Variants in GRID2 observed in about 807,000 individuals in gnomAD.
GRID2 encodes glutamate receptor ionotropic, delta-2.
GRID2 carries 33 observed loss-of-function variants against 114.8 expected under a neutral mutation model. The ratio of observed to expected loss-of-function variants is 0.29; its 90% confidence interval spans 0.22 to 0.38. GRID2 has a LOEUF of 0.38. Ranked by LOEUF, GRID2 falls within the 10% of genes least tolerant of loss-of-function variation. The pLI is 1.00. For missense variants in GRID2, 1,184 were observed against 1,257.7 expected (o/e 0.94, Z 0.89); for synonymous variants, 505 against 449.9 (o/e 1.12, Z -1.55).
At chr4:93,365,809 A>ATCC (rs1411994280) in intron 8 of GRID2, among the ~76,000 whole-genome samples, 5 of 152,206 alleles carry the variant, frequency 3.3e-5, no homozygotes. Flanking sequence ...AAATGGAGGG[A>ATCC]CTGGCTGAAG....
intron 1 of GRID2, among the ~76,000 whole-genome samples, chr4:93,782,053 A>G (rs1734491844): frequency 6.6e-6 from 1 of 152,190 alleles, no homozygotes; most frequent in Non-Finnish European, 1.5e-5. Context: ...TCTTCAAAAT[A>G]GTACAGAAGA....
At chr4:92,491,382 C>T (rs1266091643) in intron 1 of GRID2, among the ~76,000 whole-genome samples, 3 of 152,118 alleles carry the variant, frequency 2.0e-5, no homozygotes, top group African/African-American at 7.2e-5. Context: ...TTATCTTCTG[C>T]TATAACTGTA....
intron 2 of GRID2, among the ~76,000 whole-genome samples, chr4:92,970,237 A>G (rs1013222568): frequency 6.6e-6 from 1 of 151,878 alleles, no homozygotes; most frequent in African/African-American, 2.4e-5. Context: ...TTTAACACAA[A>G]TTATCGTCAT....
chr4:93,275,577 C>A lies in GRID2; in HGVS notation c.1245+37087C>A, dbSNP rs536073542. Among the ~76,000 whole-genome samples, 60 of 151,904 alleles carry A rather than the reference C, an allele frequency of 3.9e-4. 1 individual carries two copies. The highest frequency in any genetic ancestry group is 1.4e-3 in the African/African-American group (59 of 41,508). ...TTGGCAATATACGAGGGTTCAATTTCTCCACATCTTCACCACCACTTATTT... is the reference window on the plus strand; with the variant it reads ...TTGGCAATATACGAGGGTTCAATTTATCCACATCTTCACCACCACTTATTT... On this transcript the variant is annotated intron_variant, in intron 8 of 15. Transcript: ENST00000282020.
rs554813051 is a variant in GRID2 at position 92,946,243 on chromosome 4, A to G, written c.245-138752A>G. 2.0e-5 allele frequency among the ~76,000 whole-genome samples: 3 copies of G among 152,180 alleles called. No individual in the cohort carries two copies. In the South Asian group the frequency reaches 6.2e-4, roughly 32 times the overall value. ...GGCAAACAATTTATTTTTTCTTACA[A>G]TATATACCTATTCCCAAAAGTTATT... On this transcript the variant is annotated intron_variant, in intron 2 of 15. Coordinates refer to ENST00000282020, the MANE Select transcript of GRID2 (RefSeq NM_001510.4).
At chr4:93,173,732 T>A (rs1739075472) in intron 4 of GRID2, among the ~76,000 whole-genome samples, 1 of 152,044 alleles carries the variant, frequency 6.6e-6, no homozygotes, top group African/African-American at 2.4e-5. Context: ...TGGTCTCAAG[T>A]GATCCTCCAA....
chr4:92,734,636 A>G (rs1346702289), intron 2 of GRID2, among the ~76,000 whole-genome samples: 3 of 151,974 alleles, frequency 2.0e-5, no homozygotes, highest in African/African-American at 7.2e-5. Flanking sequence ...ACATTCATGA[A>G]TACTGGAATT....
intron 1 of GRID2, among the ~76,000 whole-genome samples, chr4:92,488,228 A>T (rs968476807): frequency 2.0e-5 from 3 of 152,214 alleles, no homozygotes; most frequent in Non-Finnish European, 1.5e-5. Context: ...ATAAAAAGTT[A>T]AAAGAGGACA....
At chr4:93,681,989 A>G (rs1725599033) in intron 14 of GRID2, among the ~76,000 whole-genome samples, 1 of 151,436 alleles carries the variant, frequency 6.6e-6, no homozygotes, top group African/African-American at 2.4e-5. Flanking sequence ...CAGAGTGAAC[A>G]GGCAACCTAC....
chr4:93,687,903 G>C (rs574138284), intron 14 of GRID2, among the ~76,000 whole-genome samples: 1 of 152,010 alleles, frequency 6.6e-6, no homozygotes, highest in Non-Finnish European at 1.5e-5. Context: ...CTAGTAGAGA[G>C]GCAAAGACGG....
At chr4:93,502,639 C>G (rs1187406456) in intron 12 of GRID2, among the ~76,000 whole-genome samples, 3 of 151,756 alleles carry the variant, frequency 2.0e-5, no homozygotes, top group African/African-American at 7.3e-5. Flanking sequence ...TTCTCTGATG[C>G]TCTTAGTTCC....
intron 14 of GRID2, among the ~76,000 whole-genome samples, chr4:93,737,237 C>T (rs537651958): frequency 2.7e-4 from 41 of 151,954 alleles, no homozygotes; most frequent in Non-Finnish European, 3.7e-4. Flanking sequence ...TTTCACAACA[C>T]GTTATCTCTG....
At chr4:92,594,743 A>G (rs1728866704) in intron 2 of GRID2, among the ~76,000 whole-genome samples, 1 of 151,716 alleles carries the variant, frequency 6.6e-6, no homozygotes, top group South Asian at 2.1e-4. Flanking sequence ...TTCATAAGTT[A>G]CTCTTTTTAT....
chr4:92,322,939 C>T (rs1380866124), intron 1 of GRID2, among the ~76,000 whole-genome samples: 1 of 152,040 alleles, frequency 6.6e-6, no homozygotes, highest in Non-Finnish European at 1.5e-5. Flanking sequence ...AAATCAGAAT[C>T]TAGTGCCTGT....
intron 2 of GRID2, among the ~76,000 whole-genome samples, chr4:92,771,835 A>G (rs1011933844): frequency 1.3e-5 from 2 of 152,172 alleles, no homozygotes; most frequent in Non-Finnish European, 2.9e-5. Context: ...TCTGTGATGA[A>G]AAGCCATCGG....
chr4:93,058,141 T>G (rs956908477), intron 2 of GRID2, among the ~76,000 whole-genome samples: 1 of 61,704 alleles, frequency 1.6e-5, no homozygotes, highest in South Asian at 4.5e-4. Flanking sequence ...CCTGTGTGGA[T>G]TATTAAAATT....
At chr4:93,624,614 T>C (rs965869910) in intron 13 of GRID2, among the ~76,000 whole-genome samples, 3 of 152,208 alleles carry the variant, frequency 2.0e-5, no homozygotes, top group African/African-American at 7.2e-5. Flanking sequence ...ATTTGTAAGA[T>C]ATGTTGTCAC....
chr4:92,601,046 GAGACCA>G (rs1237467734), intron 2 of GRID2, among the ~76,000 whole-genome samples: 1 of 151,834 alleles, frequency 6.6e-6, no homozygotes, highest in Non-Finnish European at 1.5e-5. Context: ...TAACCCCAGA[GAGACCA>G]GAGCTCTGTC....
chr4:92,796,043 A>T (rs35747159), intron 2 of GRID2, among the ~76,000 whole-genome samples: 1,695 of 152,074 alleles, frequency 0.011, 21 homozygotes, highest in Non-Finnish European at 0.019. Context: ...TTTAGACTGG[A>T]TGGAATTATG....
Sources: gnomAD v4.1 joint callset for allele counts (sites outside exome capture counted in the v4.1 genomes callset) on GRCh38, gnomAD v4.1.1 for gene constraint, MANE v1.5 for transcripts, NCBI Gene and HGNC (gene_info 2026-07-23, HGNC 2026-07-21) for gene names.